Variants in IDE observed in about 807,000 individuals in gnomAD.
IDE encodes the protein insulin degrading enzyme.
IDE carries 58 observed loss-of-function variants against 133.2 expected under a neutral mutation model. That is an observed-to-expected ratio of 0.44 (90% CI 0.35 to 0.54). IDE has a LOEUF of 0.54. Ranked by LOEUF, IDE falls within the 20% of genes least tolerant of loss-of-function variation. IDE has a pLI of 0.00. For synonymous variants in IDE, 396 were observed against 421.3 expected, an observed-to-expected ratio of 0.94 and a Z score of 0.73; for missense variants, 981 against 1,234.0, an observed-to-expected ratio of 0.79 and a Z score of 3.07.
At chr10:92,528,954 G>A (rs182856019) in intron 4 of IDE, among the ~76,000 whole-genome samples, 40 of 152,130 alleles carry the variant, frequency 2.6e-4, no homozygotes, top group Admixed American at 1.6e-3. Flanking sequence ...GTGGGTGCCC[G>A]TAATCCCAGC....
Position 92,452,298 on chromosome 10 carries a change from C to T in IDE, c.*2146G>A, listed in dbSNP as rs1019269954. On this transcript the variant is annotated 3_prime_UTR_variant, in exon 25 of 25. Transcript: ENST00000265986. ...AGGATAACCCTAGCACTCCACCATA[C>T]TGGCTGTGTCACATGCTCCCTCTTT... is the stretch of plus-strand genomic sequence containing the variant. 2 of 152,216 alleles carry T rather than the reference C, an allele frequency of 1.3e-5. No homozygotes were observed. The highest frequency in any genetic ancestry group is 4.8e-5 in the African/African-American group (2 of 41,452). 9.4% of individuals were successfully genotyped at this position (152,216 alleles called of 1,614,324 possible).
At chr10:92,537,654 T>C (rs1842082897) in intron 1 of IDE, 104 bp from the exon 2 acceptor site, 2 of 811,842 alleles carry the variant, frequency 2.5e-6, no homozygotes, top group South Asian at 3.6e-5. Context: ...TTTTTCTAAA[T>C]GCTGAAGGAA....
chr10:92,512,979 T>C (rs1278513992), intron 5 of IDE, among the ~76,000 whole-genome samples: 6 of 152,128 alleles, frequency 3.9e-5, no homozygotes, highest in Non-Finnish European at 8.8e-5. Context: ...ACTTTACAAA[T>C]GTGAAAACTG....
intron 1 of IDE, among the ~76,000 whole-genome samples, chr10:92,545,707 G>T (rs962745903): frequency 2.0e-5 from 3 of 152,152 alleles, no homozygotes; most frequent in Non-Finnish European, 4.4e-5. Flanking sequence ...GTCCCAGGAG[G>T]TCCCAAATTT....
chr10:92,514,872 TA>T, intron 5 of IDE, 47 bp downstream of exon 5: 1 of 1,519,778 alleles, frequency 6.6e-7, no homozygotes, highest in Non-Finnish European at 9.0e-7. Flanking sequence ...AAGCCAACAT[TA>T]AAAACTTATA....
In IDE at chr10:92,507,666, A is replaced by C; in HGVS notation, c.1154T>G (p.Leu385Ter). The C allele has an allele frequency of 6.5e-7, 1 of 1,546,072 alleles. No homozygotes were observed. The highest frequency in any genetic ancestry group is 8.9e-7 in the Non-Finnish European group (1 of 1,118,074). The change falls in exon 9 of 25, where the codon TTA becomes TGA. Residue 385 changes from leucine (L) to a stop codon, truncating the protein, a stop_gained and splice_region_variant. Coordinates refer to ENST00000265986, the MANE Select transcript of IDE (RefSeq NM_004969.4). LOFTEE classifies it high-confidence loss of function. Reference sequence around the variant, plus strand: ...GTGCAAAATTATATCTTCAACATGTACTGGAAAAAAGGGGCACACTTAAAA... The same window carrying C: ...GTGCAAAATTATATCTTCAACATGTCCTGGAAAAAAGGGGCACACTTAAAA... ...INVDLTEEGL[L>*]HVEDIILHMF...
intron 1 of IDE, 47 bp downstream of exon 1, chr10:92,573,875 G>C: frequency 7.6e-7 from 1 of 1,319,202 alleles, no homozygotes; most frequent in Non-Finnish European, 1.0e-6. Flanking sequence ...GCGCCAAACC[G>C]CTGTGACCCA....
At chr10:92,519,391 T>C (rs1029846617) in intron 4 of IDE, among the ~76,000 whole-genome samples, 2 of 152,238 alleles carry the variant, frequency 1.3e-5, no homozygotes, top group African/African-American at 4.8e-5. Flanking sequence ...CTACTTGTAC[T>C]AAAATCTTGA....
At chr10:92,488,178 C>G (rs1847114226) in intron 12 of IDE, among the ~76,000 whole-genome samples, 1 of 152,170 alleles carries the variant, frequency 6.6e-6, no homozygotes, top group Non-Finnish European at 1.5e-5. Flanking sequence ...GATCTCCACT[C>G]ACTGCATCCT....
chr10:92,508,600 A>C (rs1481836826), intron 7 of IDE, 128 bp downstream of exon 7: 11 of 731,894 alleles, frequency 1.5e-5, no homozygotes, highest in African/African-American at 3.5e-5. Flanking sequence ...AACAACCACC[A>C]TCTCACTCAC....
chr10:92,550,537 G>C (rs1759867825), intron 1 of IDE, among the ~76,000 whole-genome samples: 1 of 151,790 alleles, frequency 6.6e-6, no homozygotes, highest in Admixed American at 6.6e-5. Flanking sequence ...TGTAGTCCCA[G>C]CCAATCGGGA....
intron 1 of IDE, among the ~76,000 whole-genome samples, chr10:92,548,149 C>T (rs1842609795): frequency 2.0e-5 from 3 of 151,872 alleles, no homozygotes; most frequent in South Asian, 4.1e-4. Context: ...CACCTGAGGT[C>T]GGGAGTTCAA....
intron 14 of IDE, among the ~76,000 whole-genome samples, chr10:92,480,377 A>G (rs1441202604): frequency 1.3e-5 from 2 of 152,248 alleles, no homozygotes; most frequent in Non-Finnish European, 2.9e-5. Flanking sequence ...CAGAGTTGAT[A>G]ATCTAGCTAG....
intron 1 of IDE, among the ~76,000 whole-genome samples, chr10:92,568,045 ATCC>A (rs1281831434): frequency 6.6e-6 from 1 of 152,190 alleles, no homozygotes; most frequent in East Asian, 1.9e-4. Flanking sequence ...TCTTGTTCAA[ATCC>A]TATGTTCTCT....
At chr10:92,542,966 C>T (rs1445223609) in intron 1 of IDE, among the ~76,000 whole-genome samples, 1 of 152,226 alleles carries the variant, frequency 6.6e-6, no homozygotes, top group Non-Finnish European at 1.5e-5. Flanking sequence ...TCTTTCTCAT[C>T]TCTCTTTAAA....
In IDE at chr10:92,573,991, T is replaced by A; in HGVS notation, c.29A>T (p.His10Leu). The change falls in exon 1 of 25, where the codon CAC becomes CTC. Residue 10 changes from histidine (H) to leucine (L), a missense_variant. Around this residue, in one of 2 missense-constraint regions of IDE, gnomAD observed 321 missense variants for 339.3 expected, o/e 0.95. Transcript: ENST00000265986. The stretch of plus-strand genomic sequence containing the variant: ...GCGGAAGGTGCTGGGCAGTGCGGGG[T>A]GCAGAAGCCACGCTAGCCGGTACCG... MRYRLAWLL[H>L]PALPSTFRSV... The A allele has an allele frequency of 6.6e-7, 1 of 1,510,620 alleles. No homozygotes were observed. The highest frequency in any genetic ancestry group is 8.8e-7 in the Non-Finnish European group (1 of 1,131,918). The allele number at this position is 1,510,620 out of a possible 1,614,324, so 93.6% of individuals were successfully genotyped here.
At chr10:92,552,857 C>CGAAAAAAAAAAAAAAAAAAAA (rs1842846016) in intron 1 of IDE, among the ~76,000 whole-genome samples, 2 of 49,380 alleles carry the variant, frequency 4.1e-5, no homozygotes, top group Non-Finnish European at 6.9e-5. Context: ...GACTCAGTCT[C>CGAAAAAAAAAAAAAAAAAAAA]AAAAAAAAAA....
intron 1 of IDE, among the ~76,000 whole-genome samples, chr10:92,568,201 A>C (rs1003529916): frequency 6.6e-6 from 1 of 152,166 alleles, no homozygotes; most frequent in Non-Finnish European, 1.5e-5. Context: ...CTCAAACCTG[A>C]AATTTGAGGG....
chr10:92,475,963 G>C lies in IDE; in HGVS notation c.1916C>G (p.Pro639Arg). The change falls in exon 16 of 25, where the codon CCA becomes CGA. Residue 639 changes from proline (P) to arginine (R), a missense_variant. Physicochemically the swap from Pro to Arg is moderately radical, Grantham distance 103. This residue lies in a region of IDE where 660 missense variants were observed against 894.7 expected (regional missense o/e 0.74). Coordinates refer to ENST00000265986, the MANE Select transcript of IDE (RefSeq NM_004969.4). ...LSVKGYNDKQ[P>R]ILLKKIIEKM... is the part of the protein sequence containing the mutation. ...CTCAATAATCTTCTTTAGTAAAATT[G>C]GCTGCTTGTCATTGTAACCTTTCAC... is the stretch of plus-strand genomic sequence containing the variant. 1 of 1,537,910 alleles carries C rather than the reference G, an allele frequency of 6.5e-7. No homozygotes were observed. The highest frequency in any genetic ancestry group is 8.9e-7 in the Non-Finnish European group (1 of 1,123,042).
Sources: gnomAD v4.1 joint callset for allele counts (sites outside exome capture counted in the v4.1 genomes callset) on GRCh38, gnomAD v4.1.1 for gene constraint, gnomAD v4.1.1 regional missense constraint, MANE v1.5 for transcripts, NCBI Gene and HGNC (gene_info 2026-07-23, HGNC 2026-07-21) for gene names.